Variants in LRRC18 observed in about 807,000 individuals in gnomAD.
The protein encoded by LRRC18 is leucine-rich repeat-containing protein 18.
LRRC18 carries 12 observed loss-of-function variants against 11.2 expected under a neutral mutation model. The observed-to-expected ratio is 1.07, with a 90% CI of 0.69 to 1.74. LRRC18 has a LOEUF of 1.74. Ranked by LOEUF, LRRC18 falls within the 40% of genes most tolerant of loss-of-function variation. The pLI is 0.00. For missense variants in LRRC18, 374 were observed against 330.5 expected (o/e 1.13, Z -1.02); for synonymous variants, 155 against 130.6 (o/e 1.19, Z -1.27).
the LRRC18 span, among the ~76,000 whole-genome samples, chr10:48,936,652 A>G: frequency 1.3e-5 from 2 of 152,046 alleles, no homozygotes; most frequent in East Asian, 3.9e-4. Flanking sequence ...CCCGGCTAAC[A>G]CAGTGAAACC....
At chr10:48,913,504 G>T (rs201494402) in exon 1 of LRRC18, 1 of 1,613,608 alleles carries the variant, frequency 6.2e-7, no homozygotes, top group Non-Finnish European at 8.5e-7. Flanking sequence ...AGGTTGTCCC[G>T]GGCGTTTTGG....
upstream of LRRC18, among the ~76,000 whole-genome samples, chr10:48,917,953 G>A (rs927915351): frequency 2.6e-5 from 4 of 152,184 alleles, no homozygotes; most frequent in Admixed American, 6.5e-5. Context: ...ACTACATAAC[G>A]GGGAAGTGAG....
upstream of LRRC18, among the ~76,000 whole-genome samples, chr10:48,915,340 A>G (rs577624446): frequency 2.0e-5 from 3 of 152,202 alleles, 1 homozygote; most frequent in East Asian, 5.8e-4. Context: ...GCAGCCAGGA[A>G]GAGGACGCAA....
chr10:48,932,809 G>T, the LRRC18 span, among the ~76,000 whole-genome samples: 1 of 152,154 alleles, frequency 6.6e-6, no homozygotes, highest in Non-Finnish European at 1.5e-5. Flanking sequence ...GGTGGGTGGG[G>T]AGGTCCTTTC....
At chr10:48,922,486 A>G in the LRRC18 span, among the ~76,000 whole-genome samples, 1 of 152,238 alleles carries the variant, frequency 6.6e-6, no homozygotes, top group African/African-American at 2.4e-5. Context: ...AGCAAGAATG[A>G]ATCTTCTATC....
At chr10:48,920,578 A>G in the LRRC18 span, among the ~76,000 whole-genome samples, 5 of 152,354 alleles carry the variant, frequency 3.3e-5, no homozygotes, top group Admixed American at 6.5e-5. Flanking sequence ...CGTGAAGGAC[A>G]GAAGGTTCTT....
chr10:48,939,284 T>G, the LRRC18 span, among the ~76,000 whole-genome samples: 1 of 152,220 alleles, frequency 6.6e-6, no homozygotes, highest in Non-Finnish European at 1.5e-5. Flanking sequence ...GGACCACGCC[T>G]GTTGAGTAGC....
the LRRC18 span, among the ~76,000 whole-genome samples, chr10:48,919,312 C>A: frequency 1.3e-5 from 2 of 151,964 alleles, no homozygotes; most frequent in African/African-American, 4.8e-5. Flanking sequence ...TAGATAAGAT[C>A]AACTAAAAAC....
chr10:48,934,904 C>T, the LRRC18 span, among the ~76,000 whole-genome samples: 4 of 152,328 alleles, frequency 2.6e-5, no homozygotes, highest in Non-Finnish European at 2.9e-5. Flanking sequence ...CACCTGCCTT[C>T]CCAGGCTCGC....
Position 48,913,380 on chromosome 10 carries a change from G to C in LRRC18, c.764+12C>G, listed in dbSNP as rs12774010. Reference sequence around the variant, plus strand: ...TCTTTCCCTTCTGCCTCAGGGTCAGGTTCCAAGTCACCTCCAGTCTTCCCA... The same window carrying C: ...TCTTTCCCTTCTGCCTCAGGGTCAGCTTCCAAGTCACCTCCAGTCTTCCCA... On this transcript the variant is annotated intron_variant, in intron 1 of 1. Coordinates refer to ENST00000374160, the Ensembl canonical transcript of LRRC18. 0.13 allele frequency: 205,051 copies of C among 1,605,578 alleles called. 14,229 individuals are homozygous for C. The highest frequency in any genetic ancestry group is 0.21 in the Middle Eastern group (1,249 of 6,038).
chr10:48,928,299 G>C, the LRRC18 span, among the ~76,000 whole-genome samples: 2 of 152,028 alleles, frequency 1.3e-5, no homozygotes, highest in South Asian at 2.1e-4. Context: ...AAAAGTGGCT[G>C]CTTCCCAAGG....
At chr10:48,913,850 G>T (rs747681722) in exon 1 of LRRC18, 21 of 1,614,008 alleles carry the variant, frequency 1.3e-5, no homozygotes, top group Non-Finnish European at 1.6e-5. Flanking sequence ...TGTTGCTGAC[G>T]TTGAGGTAGA....
At chr10:48,919,311 T>G in the LRRC18 span, among the ~76,000 whole-genome samples, 28 of 151,966 alleles carry the variant, frequency 1.8e-4, no homozygotes, top group Admixed American at 1.8e-3. Flanking sequence ...TTAGATAAGA[T>G]CAACTAAAAA....
At chr10:48,919,695 C>T in the LRRC18 span, among the ~76,000 whole-genome samples, 1 of 152,162 alleles carries the variant, frequency 6.6e-6, no homozygotes, top group Non-Finnish European at 1.5e-5. Flanking sequence ...TTGGTAATGG[C>T]ATAAATTCCA....
At chr10:48,924,987 C>A in the LRRC18 span, among the ~76,000 whole-genome samples, 1 of 152,206 alleles carries the variant, frequency 6.6e-6, no homozygotes, top group African/African-American at 2.4e-5. Context: ...AGGATAGACA[C>A]ATGGAACTGA....
At chr10:48,935,259 A>G in the LRRC18 span, 1 of 152,232 alleles carries the variant, frequency 6.6e-6, no homozygotes. Flanking sequence ...GGTCATTAGC[A>G]CAGTCTTGAC....
At chr10:48,925,814 A>G in the LRRC18 span, among the ~76,000 whole-genome samples, 1 of 152,142 alleles carries the variant, frequency 6.6e-6, no homozygotes, top group East Asian at 1.9e-4. Flanking sequence ...CAATGTCAAG[A>G]GCTCCTCTCT....
the LRRC18 span, among the ~76,000 whole-genome samples, chr10:48,931,001 T>A: frequency 6.6e-6 from 1 of 152,030 alleles, no homozygotes; most frequent in African/African-American, 2.4e-5. Flanking sequence ...TTCTTATATG[T>A]CTACATAGTT....
At chr10:48,923,179 C>T in the LRRC18 span, among the ~76,000 whole-genome samples, 3 of 152,030 alleles carry the variant, frequency 2.0e-5, no homozygotes, top group Non-Finnish European at 4.4e-5. Flanking sequence ...CCAGTTCTGC[C>T]CCTGAAAGGG....
Sources: allele counts gnomAD v4.1 joint callset (sites outside exome capture counted in the v4.1 genomes callset), GRCh38; gene constraint gnomAD v4.1.1; transcripts MANE v1.5; gene names NCBI Gene and HGNC (gene_info 2026-07-23, HGNC 2026-07-21).